The following WDR88 variants were observed in gnomAD, a reference collection of about 807,000 sequenced individuals.
WDR88 encodes WD repeat domain 88.
Under a neutral mutation model 46.8 loss-of-function variants are expected in WDR88, and 40 were observed. The ratio of observed to expected loss-of-function variants is 0.86; its 90% confidence interval spans 0.66 to 1.11. The LOEUF (loss-of-function observed/expected upper bound fraction) is 1.11, where lower values mean the gene tolerates loss of function less well. Among genes scored for constraint, WDR88 ranks in the 50% most tolerant of loss-of-function variants. The pLI is 0.00. For missense variants in WDR88, 562 were observed against 602.4 expected, an observed-to-expected ratio of 0.93 and a Z score of 0.70; for synonymous variants, 235 against 240.7, an observed-to-expected ratio of 0.98 and a Z score of 0.22.
intron 8 of WDR88, among the ~76,000 whole-genome samples, chr19:33,161,303 GGAT>G (rs1289272767): frequency 1.3e-5 from 2 of 152,124 alleles, no homozygotes; most frequent in African/African-American, 4.8e-5. Flanking sequence ...ACAAGTGAGA[GGAT>G]GAGAGGAGCC....
intron 6 of WDR88, among the ~76,000 whole-genome samples, chr19:33,152,728 A>G (rs567215633): frequency 6.6e-6 from 1 of 151,832 alleles, no homozygotes; most frequent in Admixed American, 6.6e-5. Flanking sequence ...CAGCCTCCTG[A>G]GTAGCTGGGA....
intron 5 of WDR88, 73 bp downstream of exon 5, chr19:33,148,983 C>T (rs1973576979): frequency 1.3e-6 from 2 of 1,590,566 alleles, no homozygotes; most frequent in Non-Finnish European, 1.7e-6. Context: ...TGACGGTGAC[C>T]TTCCATTGCT....
chr19:33,142,192 G>T (rs1294876752), intron 2 of WDR88, among the ~76,000 whole-genome samples: 2 of 151,980 alleles, frequency 1.3e-5, no homozygotes, highest in Non-Finnish European at 2.9e-5. Context: ...ACAGCTGAGG[G>T]TCTCAAGGAG....
At chr19:33,134,691 G>T (rs1186466572) in intron 1 of WDR88, among the ~76,000 whole-genome samples, 1 of 152,034 alleles carries the variant, frequency 6.6e-6, no homozygotes, top group Non-Finnish European at 1.5e-5. Context: ...GGCCCGACGG[G>T]GTTAGCGAAC....
At chr19:33,160,612 G>A in intron 8 of WDR88, 116 bp downstream of exon 8, 11 of 1,085,816 alleles carry the variant, frequency 1.0e-5, no homozygotes, top group East Asian at 2.4e-5. Context: ...ATGCCTCTGT[G>A]GGCTGATGAA....
intron 7 of WDR88, among the ~76,000 whole-genome samples, chr19:33,157,690 T>C (rs1203234392): frequency 0.089 from 85 of 958 alleles, 1 homozygote; most frequent in African/African-American, 0.21. Context: ...TATGTATGTA[T>C]ATATATATAT....
At chr19:33,137,618 T>C in intron 1 of WDR88, 59 bp from the exon 2 acceptor site, 11 of 1,388,982 alleles carry the variant, frequency 7.9e-6, no homozygotes, top group Non-Finnish European at 1.0e-5. Flanking sequence ...AATTAACTGT[T>C]GTACATTGAT....
rs201821587 is a variant in WDR88, at chr19:33,163,763, GT to G, written c.1081-432del. On this transcript the variant is annotated intron_variant, in intron 8 of 10. Transcript: ENST00000355868. ...CTCTCCCACCTTAGCCTCCTGAGTA[GT>G]TGGGATTACAGGCGCATGCCACCAT... Among the ~76,000 whole-genome samples the G allele has an allele frequency of 8.4e-3, 1,276 of 151,194 alleles. 13 individuals are homozygous for G. Among genetic ancestry groups the G allele is most frequent in the African/African-American group, 0.03 (1,232 of 41,164 alleles).
chr19:33,167,789 TTC>T (rs1224928098), intron 9 of WDR88, among the ~76,000 whole-genome samples: 6 of 150,918 alleles, frequency 4.0e-5, no homozygotes, highest in Non-Finnish European at 7.4e-5. Context: ...TCCTCTCTCT[TTC>T]TCTCTTTCTT....
In WDR88 at chr19:33,164,242, A is replaced by G. The variant is rs746885751; in HGVS notation, c.1126A>G (p.Lys376Glu). The G allele has an allele frequency of 2.5e-6, 4 of 1,614,128 alleles. No homozygotes were observed. In the Admixed American group the frequency reaches 5.0e-5, roughly 20 times the overall value. ...GGATGTTGCCATTAGCAACAACAAG[A>G]AATGGATCCTGTCTGCTTCCAAGGT... ...VMDVAISNNK[K>E]WILSASKDRT... The change falls in exon 9 of 11, where the codon AAA becomes GAA. Residue 376 changes from lysine to glutamate, a missense_variant. Physicochemically the swap from Lys to Glu is moderately conservative, Grantham distance 56. Coordinates refer to ENST00000355868, the MANE Select transcript of WDR88 (RefSeq NM_173479.4).
chr19:33,160,137 C>T (rs1973840021), intron 7 of WDR88, among the ~76,000 whole-genome samples: 1 of 152,162 alleles, frequency 6.6e-6, no homozygotes, highest in South Asian at 2.1e-4. Flanking sequence ...GCTTGCCTAC[C>T]ACTCACTGTC....
intron 9 of WDR88, among the ~76,000 whole-genome samples, chr19:33,171,746 T>C (rs566722148): frequency 2.0e-5 from 3 of 151,586 alleles, no homozygotes; most frequent in Middle Eastern, 3.4e-3. Flanking sequence ...GCATATCATA[T>C]ATCCACCAAT....
chr19:33,157,555 ATATATATATGTATATATGTG>A (rs1169805593), intron 7 of WDR88, among the ~76,000 whole-genome samples: 8 of 128,874 alleles, frequency 6.2e-5, no homozygotes, highest in Admixed American at 1.8e-4. Context: ...ATATATGTGT[ATATATATATGTATATATGTG>A]TATATATATG....
chr19:33,157,682 TGTATG>T (rs1227814065), intron 7 of WDR88, among the ~76,000 whole-genome samples: 2 of 1,174 alleles, frequency 1.7e-3, no homozygotes, highest in Non-Finnish European at 4.2e-3. Flanking sequence ...TGTGTGTGTA[TGTATG>T]TATATATATA....
chr19:33,159,750 A>G (rs1281385180), intron 7 of WDR88, among the ~76,000 whole-genome samples: 1 of 152,102 alleles, frequency 6.6e-6, no homozygotes, highest in East Asian at 1.9e-4. Flanking sequence ...CTTTTCCACA[A>G]ATGGGAGCTG....
intron 8 of WDR88, among the ~76,000 whole-genome samples, chr19:33,163,160 C>G (rs1313041929): frequency 6.6e-6 from 1 of 151,850 alleles, no homozygotes; most frequent in Non-Finnish European, 1.5e-5. Context: ...AGTGAAACCC[C>G]GTCTCTACTA....
intron 7 of WDR88, 27 bp downstream of exon 7, chr19:33,156,569 C>T: frequency 6.3e-7 from 1 of 1,599,860 alleles, no homozygotes; most frequent in East Asian, 2.2e-5. Context: ...CAGAAGGCCT[C>T]CATTCCTGTG....
chr19:33,136,241 G>A (rs181098078), intron 1 of WDR88, among the ~76,000 whole-genome samples: 1 of 152,128 alleles, frequency 6.6e-6, no homozygotes, highest in East Asian at 2.0e-4. Flanking sequence ...TTTTAGTAGA[G>A]ACGGGGTTTC....
At position 33,172,381 on chromosome 19, in the gene WDR88, AT is replaced by A; in HGVS notation, c.1185del (p.Ile395MetfsTer7). 2 of 1,614,066 alleles carry A rather than the reference AT, an allele frequency of 1.2e-6. No homozygotes were observed. The highest frequency in any genetic ancestry group is 1.7e-6 in the Non-Finnish European group (2 of 1,179,984). On this transcript the variant is annotated frameshift_variant, in exon 10 of 11. Transcript: ENST00000355868. LOFTEE classifies it high-confidence loss of function. Reference sequence around the variant, plus strand: ...CATGAGACTGTGGAATATTGAAGAAATTGATGAAATTCCTTTGGTAATCAAG... The same window carrying A: ...CATGAGACTGTGGAATATTGAAGAAATGATGAAATTCCTTTGGTAATCAAG... ...RTMRLWNIEEIDEIPLVIKYK... is the reference protein window; with the variant it reads ...RTMRLWNIEEXDEIPLVIKYK...
Sources: allele counts gnomAD v4.1 joint callset (sites outside exome capture counted in the v4.1 genomes callset), GRCh38; gene constraint gnomAD v4.1.1; transcripts MANE v1.5; gene names NCBI Gene and HGNC (gene_info 2026-07-23, HGNC 2026-07-21).